The following CLUAP1 variants were observed in gnomAD, a reference collection of about 807,000 sequenced individuals.
The protein encoded by CLUAP1 is intraflagellar transport 38.
In CLUAP1, 50 loss-of-function variants were observed where a neutral mutation model predicts 55.0. The observed-to-expected ratio is 0.91, with a 90% confidence interval of 0.72 to 1.15. CLUAP1 has a LOEUF of 1.15. Ranked by LOEUF, CLUAP1 falls within the 50% of genes most tolerant of loss-of-function variation. The pLI, the probability that CLUAP1 is intolerant of heterozygous loss-of-function variation, is 0.00. For synonymous variants in CLUAP1, 195 were observed against 175.4 expected (o/e 1.11, Z -0.88); for missense variants, 530 against 507.6 (o/e 1.04, Z -0.42).
At chr16:3,501,645 G>A (rs1176902886) in intron 1 of CLUAP1, among the ~76,000 whole-genome samples, 1 of 152,152 alleles carries the variant, frequency 6.6e-6, no homozygotes, top group South Asian at 2.1e-4. Context: ...AGCCGGGGGT[G>A]GTGGCGGGCG....
intron 4 of CLUAP1, 91 bp from the exon 5 acceptor site, chr16:3,512,292 T>G: frequency 1.1e-6 from 1 of 942,776 alleles, no homozygotes; most frequent in Non-Finnish European, 1.7e-6. Context: ...GGCCAGGAGT[T>G]AGAGAGCAGC....
intron 3 of CLUAP1, 30 bp downstream of exon 3, chr16:3,506,445 AAAATT>A: frequency 6.6e-7 from 1 of 1,513,770 alleles, no homozygotes; most frequent in East Asian, 2.3e-5. Context: ...GTGGAGTTGT[AAAATT>A]AAATAAACTA....
intron 7 of CLUAP1, among the ~76,000 whole-genome samples, chr16:3,521,617 TAG>T (rs1367050171): frequency 6.6e-6 from 1 of 152,040 alleles, no homozygotes; most frequent in Non-Finnish European, 1.5e-5. Flanking sequence ...GTATTTTTAG[TAG>T]AGACGGAGTT....
At chr16:3,500,170 G>C (rs2037359638), upstream of CLUAP1, among the ~76,000 whole-genome samples, 1 of 152,170 alleles carries the variant, frequency 6.6e-6, no homozygotes, top group South Asian at 2.1e-4. Context: ...GGGCTGCCGG[G>C]ACCCGCGCGG....
chr16:3,500,173 C>T (rs1275071295), upstream of CLUAP1, among the ~76,000 whole-genome samples: 2 of 152,190 alleles, frequency 1.3e-5, no homozygotes, highest in African/African-American at 2.4e-5. Flanking sequence ...CTGCCGGGAC[C>T]CGCGCGGCGC....
intron 6 of CLUAP1, among the ~76,000 whole-genome samples, chr16:3,518,042 G>A (rs2037762498): frequency 6.6e-6 from 1 of 152,114 alleles, no homozygotes; most frequent in Non-Finnish European, 1.5e-5. Flanking sequence ...TTCCTGTTTT[G>A]ATGATTGTAT....
At chr16:3,535,324 G>A (rs185977831) in intron 11 of CLUAP1, 1 of 152,796 alleles carries the variant, frequency 6.5e-6, no homozygotes, top group East Asian at 1.9e-4. Flanking sequence ...AGCTTTGTGT[G>A]AGGGGAGAGA....
intron 3 of CLUAP1, 150 bp from the exon 4 acceptor site, chr16:3,508,139 T>C: frequency 3.1e-6 from 2 of 639,372 alleles, no homozygotes; most frequent in Non-Finnish European, 5.2e-6. Flanking sequence ...ATACAACCAC[T>C]CACAATGTTT....
intron 8 of CLUAP1, among the ~76,000 whole-genome samples, 180 bp downstream of exon 8, chr16:3,523,479 A>G (rs931616393): frequency 1.3e-5 from 2 of 152,178 alleles, no homozygotes; most frequent in African/African-American, 4.8e-5. Context: ...ACTGGACTCC[A>G]GGGTTGTCAA....
intron 6 of CLUAP1, among the ~76,000 whole-genome samples, chr16:3,519,411 T>C (rs2037790891): frequency 6.6e-6 from 1 of 152,158 alleles, no homozygotes; most frequent in Non-Finnish European, 1.5e-5. Flanking sequence ...CTTCTCTCAA[T>C]CCCAGCAGGC....
At position 3,504,717 on chromosome 16, in the gene CLUAP1, C is replaced by G. The variant is rs2037469200; in HGVS notation, c.23-3C>G. On this transcript the variant is annotated splice_polypyrimidine_tract_variant and splice_region_variant and intron_variant, in intron 1 of 11. Coordinates refer to ENST00000576634, the MANE Select transcript of CLUAP1 (RefSeq NM_015041.3). ...TGAATGAATTGTATTTTTCCTTGGACAGATTTCACAGAGATGATGAGAGCC... is the reference window on the plus strand; with the variant it reads ...TGAATGAATTGTATTTTTCCTTGGAGAGATTTCACAGAGATGATGAGAGCC... 6.5e-7 allele frequency: 1 copy of G among 1,536,572 alleles called. No individual in the cohort carries two copies. Among genetic ancestry groups the G allele is most frequent in the East Asian group, 2.2e-5 (1 of 44,530 alleles).
intron 1 of CLUAP1, among the ~76,000 whole-genome samples, chr16:3,503,808 C>T (rs1206549894): frequency 6.6e-6 from 1 of 152,160 alleles, no homozygotes; most frequent in Non-Finnish European, 1.5e-5. Flanking sequence ...GTTACAGAGT[C>T]CCTTTGTGAC....
At chr16:3,532,723 A>G in intron 10 of CLUAP1, 63 bp from the exon 11 acceptor site, 2 of 1,555,758 alleles carry the variant, frequency 1.3e-6, no homozygotes, top group South Asian at 1.1e-5. Flanking sequence ...CAAATCTTGA[A>G]TGCTATTTCC....
chr16:3,499,215 C>G (rs547730856), upstream of CLUAP1, among the ~76,000 whole-genome samples: 63 of 152,350 alleles, frequency 4.1e-4, no homozygotes, highest in African/African-American at 1.4e-3. Context: ...CGCGGTGGCG[C>G]GCGTCTGTAA....
intron 1 of CLUAP1, among the ~76,000 whole-genome samples, chr16:3,501,510 C>T (rs1337260870): frequency 2.0e-5 from 3 of 152,192 alleles, no homozygotes; most frequent in African/African-American, 7.2e-5. Flanking sequence ...AGGCCGGGCG[C>T]GGTGGCTCAC....
chr16:3,523,770 G>C (rs2037885407), intron 8 of CLUAP1, among the ~76,000 whole-genome samples: 1 of 152,302 alleles, frequency 6.6e-6, no homozygotes, highest in East Asian at 1.9e-4. Context: ...TTTGAGACCA[G>C]CCTGGCCAAC....
At position 3,519,998 on chromosome 16, in the gene CLUAP1, A is replaced by G. The variant is rs746559301; in HGVS notation, c.675A>G (p.Glu225=). 5.0e-6 allele frequency: 8 copies of G among 1,613,658 alleles called. No individual in the cohort carries two copies. The South Asian group carries it at 8.8e-5, about 18-fold the overall frequency. The change falls in exon 7 of 12, where the codon GAA becomes GAG. Residue 225 remains glutamate (E), a synonymous_variant. Transcript: ENST00000576634. ...TCGAAAAGAGAAAATTAGAACTGGA[A>G]AGAAATCGGAAGCGACTAGAGACTC... is the stretch of plus-strand genomic sequence containing the variant. ...AKIEKRKLEL[E]RNRKRLETLQ...
At chr16:3,521,537 C>T (rs928971879) in intron 7 of CLUAP1, among the ~76,000 whole-genome samples, 4 of 151,418 alleles carry the variant, frequency 2.6e-5, no homozygotes, top group East Asian at 1.9e-4. Flanking sequence ...CGGATTCAAG[C>T]GATTCTCCTG....
intron 11 of CLUAP1, chr16:3,535,373 T>G (rs2038210001): frequency 6.6e-6 from 1 of 151,884 alleles, no homozygotes; most frequent in South Asian, 2.1e-4. Context: ...TGGGATTACC[T>G]TTGGGGTTTT....
Sources: gnomAD v4.1 joint callset for allele counts (sites outside exome capture counted in the v4.1 genomes callset) on GRCh38, gnomAD v4.1.1 for gene constraint, MANE v1.5 for transcripts, NCBI Gene and HGNC (gene_info 2026-07-23, HGNC 2026-07-21) for gene names.